ATP13A2: variants seen among roughly 807,000 people sequenced by gnomAD.
The protein encoded by ATP13A2 is ATPase cation transporting 13A2.
Under a neutral mutation model 138.3 loss-of-function variants are expected in ATP13A2, and 83 were observed. The observed-to-expected ratio is 0.60, with a 90% CI of 0.50 to 0.72. The LOEUF (loss-of-function observed/expected upper bound fraction) is 0.72, where lower values mean the gene tolerates loss of function less well. ATP13A2 is among the 30% of genes least tolerant of loss of function. The pLI, the probability that ATP13A2 is intolerant of heterozygous loss-of-function variation, is 0.00. For missense variants in ATP13A2, 1,402 were observed against 1,606.4 expected, an observed-to-expected ratio of 0.87 and a Z score of 2.17; for synonymous variants, 663 against 699.0, an observed-to-expected ratio of 0.95 and a Z score of 0.81.
Position 16,994,317 on chromosome 1 carries a change from C to T in ATP13A2, c.1543-482G>A, listed in dbSNP as rs1247433162. Among the ~76,000 whole-genome samples the T allele has an allele frequency of 2.6e-5, 4 of 152,092 alleles. 1 individual carries two copies. The highest frequency in any genetic ancestry group is 1.3e-4 in the Admixed American group (2 of 15,270). ...GCGCAATCTCAGTTCACTGCAACCT[C>T]CACCTCCCGGGTTCAAGTGATTCTC... On this transcript the variant is annotated intron_variant, in intron 15 of 28. Coordinates refer to ENST00000326735, the MANE Select transcript of ATP13A2 (RefSeq NM_022089.4).
chr1:17,002,468 C>T, intron 6 of ATP13A2, 95 bp from the exon 7 acceptor site: 4 of 1,409,970 alleles, frequency 2.8e-6, no homozygotes, highest in Non-Finnish European at 3.9e-6. Flanking sequence ...CTCTAGGCCC[C>T]CCATCCCCGT....
chr1:16,989,731 C>G lies in ATP13A2; in HGVS notation c.2569G>C (p.Glu857Gln). 6.2e-7 allele frequency: 1 copy of G among 1,614,092 alleles called. No homozygotes were observed. The highest frequency in any genetic ancestry group is 8.5e-7 in the Non-Finnish European group (1 of 1,180,044). Residue 857 changes from glutamate to glutamine, a missense_variant, in exon 23 of 29, where the codon GAG (glutamate) becomes CAG (glutamine). Glu to Gln is a conservative substitution (Grantham distance 29). Transcript: ENST00000326735. ...TCGCACACCAGCTCTGTCTTCTGCT[C>G]AGGGGCCATGCGGGCAAAGACAGTG... Reference protein sequence around the residue: ...QGTVFARMAPEQKTELVCELQ... With the variant: ...QGTVFARMAPQQKTELVCELQ...
Position 17,000,056 on chromosome 1 carries a change from C to G in ATP13A2, c.994G>C (p.Ala332Pro). The G allele has an allele frequency of 6.2e-7, 1 of 1,613,014 alleles. No homozygotes were observed. The highest frequency in any genetic ancestry group is 8.5e-7 in the Non-Finnish European group (1 of 1,179,688). ...QEGGLMPCDA[A>P]LVAGECMVNE... is the part of the protein sequence containing the mutation. ...ACCATGCACTCGCCGGCCACCAGGGCGGCATCACAGGGCATCAGCCCACCC... is the reference window on the plus strand; with the variant it reads ...ACCATGCACTCGCCGGCCACCAGGGGGGCATCACAGGGCATCAGCCCACCC... The change falls in exon 11 of 29, where the codon GCC (alanine) becomes CCC (proline). Residue 332 changes from alanine to proline, a missense_variant. Ala to Pro is a conservative substitution (Grantham distance 27, BLOSUM62 -1). Coordinates refer to ENST00000326735, the MANE Select transcript of ATP13A2 (RefSeq NM_022089.4).
chr1:16,995,383 C>G lies in ATP13A2; in HGVS notation c.1542+593G>C, dbSNP rs2077081646. On this transcript the variant is annotated intron_variant, in intron 15 of 28. Coordinates refer to ENST00000326735, the MANE Select transcript of ATP13A2 (RefSeq NM_022089.4). The surrounding 1 kb of genome is among the most constrained non-coding windows in gnomAD (Gnocchi z 4.1). ...TGGGGGACACACACACTCCAGTGAC[C>G]ACAAGGATGCCTGTGTTGGTCACTG... 4.9e-6 allele frequency: 1 copy of G among 205,236 alleles called. No homozygotes were observed. The highest frequency in any genetic ancestry group is 8.0e-5 in the South Asian group (1 of 12,466). The allele number at this position is 205,236 out of a possible 1,614,324, so 12.7% of individuals were successfully genotyped here.
chr1:16,988,286 G>T (rs1344181620), intron 24 of ATP13A2, 36 bp downstream of exon 24: 1 of 1,614,162 alleles, frequency 6.2e-7, no homozygotes, highest in African/African-American at 1.3e-5. Context: ...GACCAGCCCT[G>T]CTGAGCCCTC....
intron 13 of ATP13A2, 43 bp from the exon 14 acceptor site, chr1:16,996,343 T>TG (rs140436868): frequency 2.8e-4 from 453 of 1,610,464 alleles, no homozygotes; most frequent in Non-Finnish European, 3.0e-4. Context: ...GGGACCCAGG[T>TG]GGGGGGGGCT....
chr1:16,990,075 CA>C, intron 21 of ATP13A2, 51 bp downstream of exon 21: 2 of 1,613,990 alleles, frequency 1.2e-6, no homozygotes, highest in Non-Finnish European at 1.7e-6. Flanking sequence ...TCAGGTGACA[CA>C]GGGGTGGGGT....
rs773559332 is a variant in ATP13A2, at chr1:17,000,100, C to G, written c.950G>C (p.Cys317Ser). The change falls in exon 11 of 29, where the codon TGC (cysteine) becomes TCC (serine). Residue 317 changes from cysteine (C) to serine (S), a missense_variant. By Grantham distance (112) the Cys-to-Ser change is moderately radical. Coordinates refer to ENST00000326735, the MANE Select transcript of ATP13A2 (RefSeq NM_022089.4). ...VDSSELVPGD[C>S]LVLPQEGGLM... is the part of the protein sequence containing the mutation. ...CCCACCCTCCTGGGGCAGCACCAGG[C>G]AGTCTCCGGGCACTAGCTCACTGGA... The G allele has an allele frequency of 6.2e-7, 1 of 1,613,540 alleles. No individual in the cohort carries two copies. The highest frequency in any genetic ancestry group is 1.1e-5 in the South Asian group (1 of 91,062).
chr1:16,997,731 C>T (rs2077194136), intron 11 of ATP13A2, among the ~76,000 whole-genome samples: 1 of 151,836 alleles, frequency 6.6e-6, no homozygotes, highest in Non-Finnish European at 1.5e-5. Context: ...ATCCCAGCTA[C>T]TTGGGAGGCT....
Position 16,986,455 on chromosome 1 carries a change from G to A in ATP13A2, c.3405+8C>T. 6.2e-7 allele frequency: 1 copy of A among 1,611,620 alleles called. No individual in the cohort carries two copies. The highest frequency in any genetic ancestry group is 8.5e-7 in the Non-Finnish European group (1 of 1,179,782). On this transcript the variant is annotated splice_region_variant and intron_variant, in intron 28 of 28. Transcript: ENST00000326735. The surrounding 1 kb of genome is among the most constrained non-coding windows in gnomAD (Gnocchi z 6.9). ...TCTCCCGCTGCTGAGACCCAGGGCG[G>A]GCCCCACCTCCAGCATGAAGGCCCC...
At chr1:17,009,387 CTTT>C (rs1161920218) in intron 1 of ATP13A2, among the ~76,000 whole-genome samples, 122 of 116,514 alleles carry the variant, frequency 1.0e-3, no homozygotes, top group Middle Eastern at 4.1e-3. Context: ...GAGCCTCTTC[CTTT>C]TTTTTTTTTT....
intron 1 of ATP13A2, among the ~76,000 whole-genome samples, chr1:17,006,409 C>T (rs1401923112): frequency 6.6e-6 from 1 of 151,748 alleles, no homozygotes; most frequent in Non-Finnish European, 1.5e-5. Context: ...CACCACCATG[C>T]CCAGCTAATT....
chr1:17,002,470 C>T (rs1443114123), intron 6 of ATP13A2, 97 bp from the exon 7 acceptor site: 2 of 1,393,290 alleles, frequency 1.4e-6, no homozygotes, highest in Non-Finnish European at 2.0e-6. Context: ...CTAGGCCCCC[C>T]ATCCCCGTTC....
In ATP13A2 at chr1:16,993,722, G is replaced by C. The variant is rs2077016482; in HGVS notation, c.1656C>G (p.Leu552=). Reference sequence around the variant, plus strand: ...GGGCATGGCAGGTGGCCAGTGCTCGGAGCAGGGGCCCCACAGGCAGGCGGC... The same window carrying C: ...GGGCATGGCAGGTGGCCAGTGCTCGCAGCAGGGGCCCCACAGGCAGGCGGC... The part of the protein sequence containing the change: ...EPRRLPVGPL[L]RALATCHALS... Residue 552 remains leucine (L), a synonymous_variant, in exon 16 of 29, where the codon CTC becomes CTG. Coordinates refer to ENST00000326735, the MANE Select transcript of ATP13A2 (RefSeq NM_022089.4). 6.3e-7 allele frequency: 1 copy of C among 1,593,908 alleles called. No homozygotes were observed. The highest frequency in any genetic ancestry group is 1.3e-5 in the African/African-American group (1 of 74,640).
intron 3 of ATP13A2, 125 bp downstream of exon 3, chr1:17,005,249 A>G: frequency 6.8e-7 from 1 of 1,477,954 alleles, no homozygotes; most frequent in Non-Finnish European, 9.2e-7. Context: ...TGAGGTCCAG[A>G]GAAGAGCGGG....
chr1:16,993,081 T>C (rs887228652), intron 16 of ATP13A2, among the ~76,000 whole-genome samples: 2 of 152,142 alleles, frequency 1.3e-5, no homozygotes, highest in Admixed American at 1.3e-4. Context: ...CGCACTTGGC[T>C]AATTTTTGTA....
At position 17,011,768 on chromosome 1, in the gene ATP13A2, G is replaced by T. The variant is rs889431351; in HGVS notation, c.-30C>A. 2.8e-6 allele frequency: 4 copies of T among 1,432,622 alleles called. No individual in the cohort carries two copies. The African/African-American group carries it at 4.5e-5, about 16-fold the overall frequency. The allele number at this position is 1,432,622 out of a possible 1,614,324, so 88.7% of individuals were successfully genotyped here. On this transcript the variant is annotated 5_prime_UTR_variant, in exon 1 of 29. Transcript: ENST00000326735. The surrounding 1 kb of genome is among the most constrained non-coding windows in gnomAD (Gnocchi z 7.3). ...GCTCCTCGCGCTCATCGCCGGCCCC[G>T]GCGCTGCGGCCCTCGGCCTGGGCCC...
In ATP13A2 at chr1:16,986,100, G is replaced by A. The variant is rs778540667; in HGVS notation, c.*121C>T. On this transcript the variant is annotated 3_prime_UTR_variant, in exon 29 of 29. Coordinates refer to ENST00000326735, the MANE Select transcript of ATP13A2 (RefSeq NM_022089.4). This position sits in a 1 kb window ranked among gnomAD's most constrained non-coding sequence, Gnocchi z 6.9. ...GGGTGGGGGTGGTCTCGGGGGAGGA[G>A]TGTAGACAGTCGCCAACCTCAGGGA... is the stretch of plus-strand genomic sequence containing the variant. 5 of 1,570,036 alleles carry A rather than the reference G, an allele frequency of 3.2e-6. No individual in the cohort carries two copies. The highest frequency in any genetic ancestry group is 4.3e-6 in the Non-Finnish European group (5 of 1,158,184).
intron 25 of ATP13A2, among the ~76,000 whole-genome samples, chr1:16,987,833 G>T (rs893919852): frequency 5.9e-5 from 9 of 152,208 alleles, no homozygotes; most frequent in Non-Finnish European, 1.3e-4. Context: ...GGGGGCGAGG[G>T]TTTTGGCCCT....
Sources: gnomAD v4.1 joint callset for allele counts (sites outside exome capture counted in the v4.1 genomes callset) on GRCh38, gnomAD v4.1.1 for gene constraint, Gnocchi (gnomAD v3.1) non-coding constraint, MANE v1.5 for transcripts, NCBI Gene and HGNC (gene_info 2026-07-23, HGNC 2026-07-21) for gene names.